The following TBC1D19 variants were observed in gnomAD, a reference collection of about 807,000 sequenced individuals.
TBC1D19 encodes the protein TBC1 domain family, member 19.
Under a neutral mutation model 89.0 loss-of-function variants are expected in TBC1D19, and 60 were observed. That is an observed-to-expected ratio of 0.67 (90% CI 0.55 to 0.84). The LOEUF (loss-of-function observed/expected upper bound fraction) is 0.84, where lower values mean the gene tolerates loss of function less well. Among genes scored for constraint, TBC1D19 ranks in the 40% least tolerant of loss-of-function variants. The probability of loss-of-function intolerance (pLI) is 0.00; values close to 1 mark genes in which losing one functional copy is unlikely to be tolerated. For synonymous variants in TBC1D19, 189 were observed against 199.7 expected (o/e 0.95, Z 0.45); for missense variants, 500 against 610.8 (o/e 0.82, Z 1.91).
chr4:26,679,702 G>T (rs7657453), intron 11 of TBC1D19, among the ~76,000 whole-genome samples: 69,288 of 152,056 alleles, frequency 0.46, 17,553 homozygotes, highest in Admixed American at 0.6. Flanking sequence ...ATGCCAGCCT[G>T]TGAAAGCAGC....
chr4:26,655,103 A>G (rs188159840), intron 7 of TBC1D19, among the ~76,000 whole-genome samples: 2 of 152,280 alleles, frequency 1.3e-5, no homozygotes, highest in African/African-American at 4.8e-5. Flanking sequence ...CAGGACCCTC[A>G]GCTGCAGGTC....
At chr4:26,682,565 G>T (rs1217112460) in intron 11 of TBC1D19, among the ~76,000 whole-genome samples, 1 of 152,200 alleles carries the variant, frequency 6.6e-6, no homozygotes, top group Non-Finnish European at 1.5e-5. Context: ...AGGTCAGGAG[G>T]AGTCATACAG....
At chr4:26,749,773 T>A (rs979379698) in intron 19 of TBC1D19, among the ~76,000 whole-genome samples, 1 of 152,066 alleles carries the variant, frequency 6.6e-6, no homozygotes, top group South Asian at 2.1e-4. Flanking sequence ...TGCTGAGAAG[T>A]CTATAGTTAT....
At chr4:26,834,151 T>C in the TBC1D19 span, among the ~76,000 whole-genome samples, 1 of 152,192 alleles carries the variant, frequency 6.6e-6, no homozygotes, top group Non-Finnish European at 1.5e-5. Flanking sequence ...CTTTGCCTTC[T>C]GCCATGATTG....
chr4:26,712,679 G>A (rs558820885), intron 13 of TBC1D19, among the ~76,000 whole-genome samples: 1 of 152,136 alleles, frequency 6.6e-6, no homozygotes, highest in Admixed American at 6.6e-5. Context: ...CTGGTGGCTG[G>A]AAAGTCTAAG....
chr4:26,769,675 A>G, the TBC1D19 span, among the ~76,000 whole-genome samples: 3 of 151,752 alleles, frequency 2.0e-5, no homozygotes, highest in Admixed American at 6.6e-5. Context: ...CCCAGGGAGT[A>G]GTTGGGACTA....
At chr4:26,687,124 G>A (rs1560472195) in intron 12 of TBC1D19, among the ~76,000 whole-genome samples, 1 of 152,062 alleles carries the variant, frequency 6.6e-6, no homozygotes, top group African/African-American at 2.4e-5. Context: ...CTAAAAGCAT[G>A]GTATAGTTAC....
intron 1 of TBC1D19, among the ~76,000 whole-genome samples, chr4:26,603,335 A>G (rs1357760038): frequency 6.6e-6 from 1 of 152,198 alleles, no homozygotes; most frequent in Non-Finnish European, 1.5e-5. Context: ...TAATGTTACA[A>G]AATTATGTAT....
chr4:26,669,195 G>GA (rs1404637510), intron 9 of TBC1D19, among the ~76,000 whole-genome samples: 3 of 151,598 alleles, frequency 2.0e-5, no homozygotes, highest in Admixed American at 6.6e-5. Context: ...CTTTCTAAAA[G>GA]AAAAAATCAT....
At chr4:26,609,022 A>G (rs1741186305) in intron 1 of TBC1D19, among the ~76,000 whole-genome samples, 1 of 122,486 alleles carries the variant, frequency 8.2e-6, no homozygotes, top group African/African-American at 3.1e-5. Flanking sequence ...GGACACAGGA[A>G]GGGAAACATC....
chr4:26,637,369 C>G (rs1560434598), intron 5 of TBC1D19, 84 bp downstream of exon 5: 2 of 1,108,802 alleles, frequency 1.8e-6, no homozygotes, highest in East Asian at 5.1e-5. Flanking sequence ...CTGTTAGGCA[C>G]ATTTATTTAT....
intron 11 of TBC1D19, among the ~76,000 whole-genome samples, chr4:26,679,997 G>T (rs1279544567): frequency 2.0e-5 from 3 of 152,200 alleles, no homozygotes; most frequent in Non-Finnish European, 4.4e-5. Flanking sequence ...TGAATCATGG[G>T]TGTGGTTTCC....
the TBC1D19 span, among the ~76,000 whole-genome samples, chr4:26,823,005 A>G: frequency 6.6e-6 from 1 of 152,168 alleles, no homozygotes; most frequent in Admixed American, 6.5e-5. Flanking sequence ...CTCAAGCTGT[A>G]TTAGTTTGTT....
intron 1 of TBC1D19, among the ~76,000 whole-genome samples, chr4:26,591,514 C>CAA: frequency 6.6e-6 from 1 of 151,972 alleles, no homozygotes; most frequent in Admixed American, 6.6e-5. Context: ...AACAGAGACA[C>CAA]AAAAAAACCC....
intron 3 of TBC1D19, among the ~76,000 whole-genome samples, chr4:26,618,216 A>G (rs1372356823): frequency 1.3e-5 from 2 of 152,210 alleles, no homozygotes; most frequent in East Asian, 3.8e-4. Flanking sequence ...GACTTTAAAG[A>G]GGCAATTACA....
At chr4:26,636,661 G>A (rs1354403191) in intron 4 of TBC1D19, among the ~76,000 whole-genome samples, 2 of 151,878 alleles carry the variant, frequency 1.3e-5, no homozygotes, top group Non-Finnish European at 2.9e-5. Flanking sequence ...TATGGACTAA[G>A]TATGACATCA....
chr4:26,686,519 C>A (rs1311069316), intron 12 of TBC1D19, among the ~76,000 whole-genome samples: 1 of 151,944 alleles, frequency 6.6e-6, no homozygotes. Context: ...AACCTTTCTT[C>A]ATTATCACGC....
At chr4:26,719,794 A>G (rs1219438302) in intron 14 of TBC1D19, among the ~76,000 whole-genome samples, 1 of 152,132 alleles carries the variant, frequency 6.6e-6, no homozygotes, top group Non-Finnish European at 1.5e-5. Context: ...CATAATAAAT[A>G]GATACTTCTC....
At chr4:26,793,351 T>C in the TBC1D19 span, among the ~76,000 whole-genome samples, 3 of 152,202 alleles carry the variant, frequency 2.0e-5, no homozygotes, top group African/African-American at 7.2e-5. Context: ...TGGGAGTTTA[T>C]TTGCCCACAT....
Sources: allele counts gnomAD v4.1 joint callset (sites outside exome capture counted in the v4.1 genomes callset), GRCh38; gene constraint gnomAD v4.1.1; transcripts MANE v1.5; gene names NCBI Gene and HGNC (gene_info 2026-07-23, HGNC 2026-07-21).